The following SDK1 variants were observed in gnomAD, a reference collection of about 807,000 sequenced individuals.
SDK1 encodes protein sidekick-1.
SDK1 carries 157 observed loss-of-function variants against 245.5 expected under a neutral mutation model. That is an observed-to-expected ratio of 0.64 (90% CI 0.56 to 0.73). The LOEUF is 0.73. Ranked by LOEUF, SDK1 falls within the 30% of genes least tolerant of loss-of-function variation. The pLI is 0.00. For missense variants in SDK1, 3,583 were observed against 3,002.3 expected (o/e 1.19, Z -4.52); for synonymous variants, 1,647 against 1,278.5 (o/e 1.29, Z -6.15).
intron 35 of SDK1, among the ~76,000 whole-genome samples, chr7:4,192,474 A>C (rs143702434): frequency 6.6e-6 from 1 of 151,878 alleles, no homozygotes; most frequent in Non-Finnish European, 1.5e-5. Context: ...ACAGGGTTTC[A>C]CTGTGTTAGC....
chr7:4,011,785 G>A (rs1362561037), intron 15 of SDK1, among the ~76,000 whole-genome samples: 5 of 152,244 alleles, frequency 3.3e-5, no homozygotes, highest in African/African-American at 1.2e-4. Flanking sequence ...AGTCTGAGAC[G>A]GCAGGCCGAC....
intron 5 of SDK1, among the ~76,000 whole-genome samples, chr7:3,887,811 G>C (rs150582005): frequency 1.7e-3 from 266 of 152,246 alleles, no homozygotes; most frequent in African/African-American, 5.3e-3. Context: ...TCTCACAGCT[G>C]TTTTGAAATA....
intron 1 of SDK1, among the ~76,000 whole-genome samples, chr7:3,418,691 G>A (rs1014938277): frequency 6.6e-6 from 1 of 152,126 alleles, no homozygotes; most frequent in African/African-American, 2.4e-5. Context: ...ATTTTGGGAG[G>A]TGCCATGGGC....
intron 4 of SDK1, among the ~76,000 whole-genome samples, chr7:3,801,035 T>A (rs1779094613): frequency 6.6e-6 from 1 of 152,176 alleles, no homozygotes; most frequent in Non-Finnish European, 1.5e-5. Context: ...AAATTGAAAT[T>A]TTTGGCAAAT....
intron 1 of SDK1, among the ~76,000 whole-genome samples, chr7:3,554,378 T>G (rs1276140962): frequency 6.6e-6 from 1 of 151,742 alleles, no homozygotes; most frequent in South Asian, 2.1e-4. Context: ...TTAAAGGAAA[T>G]AAAAATACAT....
intron 20 of SDK1, among the ~76,000 whole-genome samples, chr7:4,070,210 TA>T (rs1780160744): frequency 1.3e-5 from 2 of 152,240 alleles, no homozygotes; most frequent in African/African-American, 4.8e-5. Context: ...AGTTAGTTCC[TA>T]ATGGGATGTC....
intron 1 of SDK1, among the ~76,000 whole-genome samples, chr7:3,366,703 T>C (rs1036295911): frequency 2.6e-5 from 4 of 152,168 alleles, no homozygotes; most frequent in African/African-American, 9.7e-5. Flanking sequence ...GTCTTTTGCC[T>C]ATTTGTATAT....
chr7:3,587,682 G>C (rs1780735417), intron 1 of SDK1, among the ~76,000 whole-genome samples: 1 of 152,198 alleles, frequency 6.6e-6, no homozygotes, highest in East Asian at 1.9e-4. Flanking sequence ...ATCTTCTCCG[G>C]AAATACCTTC....
intron 4 of SDK1, among the ~76,000 whole-genome samples, chr7:3,735,169 T>C (rs931352620): frequency 1.3e-5 from 2 of 152,182 alleles, no homozygotes; most frequent in South Asian, 2.1e-4. Context: ...AAATTAATTG[T>C]GGTAGAATGT....
intron 5 of SDK1, among the ~76,000 whole-genome samples, chr7:3,867,291 A>C (rs761193716): frequency 6.6e-6 from 1 of 152,156 alleles, no homozygotes; most frequent in African/African-American, 2.4e-5. Flanking sequence ...CATTGAAAGC[A>C]TGTTTTTCTC....
intron 1 of SDK1, among the ~76,000 whole-genome samples, chr7:3,487,046 C>T (rs1224867661): frequency 6.6e-6 from 1 of 152,178 alleles, no homozygotes; most frequent in East Asian, 1.9e-4. Context: ...GTCAAAACCA[C>T]TCAGCTCGCC....
chr7:3,457,558 T>A (rs1222611135), intron 1 of SDK1, among the ~76,000 whole-genome samples: 1 of 152,204 alleles, frequency 6.6e-6, no homozygotes, highest in African/African-American at 2.4e-5. Flanking sequence ...CTCCTCTCTT[T>A]CCAGGTTTCT....
chr7:3,616,125 A>G (rs567947917), intron 1 of SDK1, among the ~76,000 whole-genome samples: 3 of 152,262 alleles, frequency 2.0e-5, no homozygotes, highest in African/African-American at 2.4e-5. Flanking sequence ...AGCTCAAGCA[A>G]TCCTTCCGCC....
At chr7:3,392,344 A>T (rs1583789747) in intron 1 of SDK1, among the ~76,000 whole-genome samples, 1 of 152,160 alleles carries the variant, frequency 6.6e-6, no homozygotes, top group African/African-American at 2.4e-5. Context: ...TGAAACTCAA[A>T]TTGTCAAATC....
intron 1 of SDK1, among the ~76,000 whole-genome samples, chr7:3,378,804 C>G (rs556701345): frequency 6.6e-6 from 1 of 151,800 alleles, no homozygotes; most frequent in African/African-American, 2.4e-5. Context: ...ACTCTGCTGC[C>G]CTGCTCGCTG....
chr7:4,014,572 A>C (rs1256959821), intron 16 of SDK1, among the ~76,000 whole-genome samples: 1 of 152,224 alleles, frequency 6.6e-6, no homozygotes. Flanking sequence ...CCGAGGCACA[A>C]TGCAAGGAAA....
intron 1 of SDK1, among the ~76,000 whole-genome samples, chr7:3,446,585 CAATTT>C (rs1299594616): frequency 1.3e-5 from 2 of 152,128 alleles, no homozygotes; most frequent in East Asian, 1.9e-4. Flanking sequence ...CAATTCAACT[CAATTT>C]AATAAGTCTC....
At chr7:3,846,182 T>C (rs113757330) in intron 5 of SDK1, among the ~76,000 whole-genome samples, 7 of 152,264 alleles carry the variant, frequency 4.6e-5, no homozygotes, top group African/African-American at 1.4e-4. Context: ...TCACTGGGGA[T>C]GTGTGCCCAA....
intron 1 of SDK1, among the ~76,000 whole-genome samples, chr7:3,439,906 A>G (rs1037797423): frequency 6.7e-6 from 1 of 148,270 alleles, no homozygotes; most frequent in African/African-American, 2.5e-5. Flanking sequence ...TAATAATTAC[A>G]TTAACTCCCA....
Sources: allele counts gnomAD v4.1 joint callset (sites outside exome capture counted in the v4.1 genomes callset), GRCh38; gene constraint gnomAD v4.1.1; transcripts MANE v1.5; gene names NCBI Gene and HGNC (gene_info 2026-07-23, HGNC 2026-07-21).